Variants in AGBL4 observed in about 807,000 individuals in gnomAD.
AGBL4 encodes the protein AGBL carboxypeptidase 4, also known as cytosolic carboxypeptidase 6.
In AGBL4, 58 loss-of-function variants were observed where a neutral mutation model predicts 66.4. The observed-to-expected ratio is 0.87, with a 90% confidence interval of 0.71 to 1.09. AGBL4 has a LOEUF of 1.09. Ranked by LOEUF, AGBL4 falls within the 50% of genes least tolerant of loss-of-function variation. AGBL4 has a pLI of 0.00. For synonymous variants in AGBL4, 234 were observed against 222.9 expected, an observed-to-expected ratio of 1.05 and a Z score of -0.44; for missense variants, 579 against 631.0, an observed-to-expected ratio of 0.92 and a Z score of 0.88.
At chr1:48,710,915 G>A (rs1445050132) in intron 6 of AGBL4, among the ~76,000 whole-genome samples, 3 of 149,794 alleles carry the variant, frequency 2.0e-5, no homozygotes. Flanking sequence ...CTGCACATCC[G>A]TTAAGATCCA....
At chr1:49,389,915 T>C (rs1458232600) in intron 3 of AGBL4, among the ~76,000 whole-genome samples, 2 of 152,200 alleles carry the variant, frequency 1.3e-5, no homozygotes, top group African/African-American at 2.4e-5. Flanking sequence ...ATTCTGATAA[T>C]TGTAGAATTC....
chr1:49,738,353 G>T (rs1014640495), intron 2 of AGBL4, among the ~76,000 whole-genome samples: 1 of 152,234 alleles, frequency 6.6e-6, no homozygotes, highest in Non-Finnish European at 1.5e-5. Context: ...CAGCAAGGCT[G>T]GGGGAGGGGC....
chr1:49,993,965 T>A (rs755962003), intron 1 of AGBL4, among the ~76,000 whole-genome samples: 7 of 152,240 alleles, frequency 4.6e-5, no homozygotes, highest in Non-Finnish European at 7.3e-5. Context: ...TAAGCTCCAC[T>A]ATCACCATAA....
intron 2 of AGBL4, among the ~76,000 whole-genome samples, chr1:49,839,171 A>G (rs1241565217): frequency 6.6e-6 from 1 of 152,222 alleles, no homozygotes; most frequent in Non-Finnish European, 1.5e-5. Context: ...AAAAATATAT[A>G]CCAGTAGATA....
intron 3 of AGBL4, among the ~76,000 whole-genome samples, chr1:49,651,051 C>G (rs528720139): frequency 6.6e-6 from 1 of 152,304 alleles, no homozygotes; most frequent in East Asian, 1.9e-4. Flanking sequence ...CACAGACAAG[C>G]CACAGAATTG....
chr1:49,644,449 A>C (rs1407451166), intron 3 of AGBL4, among the ~76,000 whole-genome samples: 1 of 151,662 alleles, frequency 6.6e-6, no homozygotes, highest in African/African-American at 2.4e-5. Context: ...TTAAAGTATA[A>C]AGATGGGAAA....
intron 3 of AGBL4, among the ~76,000 whole-genome samples, chr1:49,447,636 T>G (rs1646189066): frequency 6.6e-6 from 1 of 152,182 alleles, no homozygotes; most frequent in African/African-American, 2.4e-5. Flanking sequence ...CCACCCATGC[T>G]AGTGTCAGGG....
intron 1 of AGBL4, among the ~76,000 whole-genome samples, chr1:49,934,626 A>C (rs970865325): frequency 2.6e-5 from 4 of 152,146 alleles, no homozygotes; most frequent in African/African-American, 9.7e-5. Flanking sequence ...ATGTCAACAA[A>C]ATATACCAAA....
At chr1:48,687,419 G>A (rs147187999) in intron 6 of AGBL4, among the ~76,000 whole-genome samples, 174 of 152,324 alleles carry the variant, frequency 1.1e-3, no homozygotes, top group African/African-American at 4.0e-3. Context: ...CTTGCTAGCA[G>A]GTGATGAGTC....
intron 3 of AGBL4, among the ~76,000 whole-genome samples, chr1:49,470,406 G>A (rs551721766): frequency 3.3e-5 from 5 of 151,918 alleles, no homozygotes; most frequent in Admixed American, 1.3e-4. Flanking sequence ...TTTACTATCC[G>A]TTTCTCTATA....
At chr1:49,930,110 A>AT (rs1334881681) in intron 1 of AGBL4, among the ~76,000 whole-genome samples, 5 of 152,074 alleles carry the variant, frequency 3.3e-5, no homozygotes, top group Non-Finnish European at 7.4e-5. Context: ...GAAATTATCC[A>AT]TTTTTTAGAA....
At chr1:49,687,636 G>C in intron 3 of AGBL4, among the ~76,000 whole-genome samples, 1 of 151,980 alleles carries the variant, frequency 6.6e-6, no homozygotes, top group East Asian at 1.9e-4. Context: ...GTCCAGCATG[G>C]TGGTGCACTC....
At chr1:49,563,687 G>A (rs528085404) in intron 3 of AGBL4, among the ~76,000 whole-genome samples, 3 of 152,216 alleles carry the variant, frequency 2.0e-5, no homozygotes, top group African/African-American at 7.2e-5. Context: ...TAAGCTTTTT[G>A]ATGTGTTGCT....
chr1:49,252,546 A>T (rs1408298353), intron 3 of AGBL4, among the ~76,000 whole-genome samples: 1 of 152,220 alleles, frequency 6.6e-6, no homozygotes, highest in East Asian at 1.9e-4. Flanking sequence ...ATTCAAATTC[A>T]GGAAATGTAG....
At chr1:49,325,612 C>A (rs1018983698) in intron 3 of AGBL4, among the ~76,000 whole-genome samples, 1 of 152,138 alleles carries the variant, frequency 6.6e-6, no homozygotes, top group Non-Finnish European at 1.5e-5. Flanking sequence ...CATTTAATAA[C>A]CGATTCAAGA....
At chr1:48,874,231 T>C (rs1321437670) in intron 5 of AGBL4, among the ~76,000 whole-genome samples, 1 of 152,158 alleles carries the variant, frequency 6.6e-6, no homozygotes, top group Non-Finnish European at 1.5e-5. Flanking sequence ...TTTCCTTTCC[T>C]GTAACCCCTC....
intron 1 of AGBL4, among the ~76,000 whole-genome samples, chr1:49,975,138 ATTTACATAT>A (rs1386909426): frequency 6.6e-6 from 1 of 152,222 alleles, no homozygotes; most frequent in African/African-American, 2.4e-5. Context: ...TCTAAAGCAT[ATTTACATAT>A]TTGATTTTAT....
chr1:49,028,394 A>G (rs1279528638), intron 5 of AGBL4, among the ~76,000 whole-genome samples: 1 of 152,160 alleles, frequency 6.6e-6, no homozygotes, highest in Non-Finnish European at 1.5e-5. Flanking sequence ...ATGTGATACC[A>G]ATAGAGGAAG....
At chr1:49,295,158 T>C (rs868352749) in intron 3 of AGBL4, among the ~76,000 whole-genome samples, 2 of 152,250 alleles carry the variant, frequency 1.3e-5, no homozygotes, top group Admixed American at 6.5e-5. Flanking sequence ...ATCCTATTCA[T>C]TCAGTTTCTG....
Sources: allele counts gnomAD v4.1 joint callset (sites outside exome capture counted in the v4.1 genomes callset), GRCh38; gene constraint gnomAD v4.1.1; transcripts MANE v1.5; gene names NCBI Gene and HGNC (gene_info 2026-07-23, HGNC 2026-07-21).